The following ESRRG variants were observed in gnomAD, a reference collection of about 807,000 sequenced individuals.
ESRRG encodes estrogen related receptor gamma.
Under a neutral mutation model 44.0 loss-of-function variants are expected in ESRRG, and 13 were observed. The observed-to-expected ratio is 0.30, with a 90% CI of 0.19 to 0.47. The LOEUF (loss-of-function observed/expected upper bound fraction) is 0.47. Among genes scored for constraint, ESRRG ranks in the 20% least tolerant of loss-of-function variants. The pLI, the probability that ESRRG is intolerant of heterozygous loss-of-function variation, is 1.00. For synonymous variants in ESRRG, 215 were observed against 214.6 expected (o/e 1.00, Z -0.02); for missense variants, 395 against 580.6 (o/e 0.68, Z 3.29).
chr1:216,744,225 T>C (rs2091112160), intron 2 of ESRRG, among the ~76,000 whole-genome samples: 1 of 152,162 alleles, frequency 6.6e-6, no homozygotes. Flanking sequence ...GGCAATAAAA[T>C]AAAGAGCATG....
chr1:216,903,828 T>C (rs1206133548), intron 2 of ESRRG, among the ~76,000 whole-genome samples: 2 of 152,098 alleles, frequency 1.3e-5, no homozygotes, highest in African/African-American at 4.8e-5. Context: ...TAGATCATTA[T>C]TTGGTTAAAA....
upstream of ESRRG, among the ~76,000 whole-genome samples, chr1:217,093,610 C>A (rs2489773): frequency 0.96 from 146,117 of 152,060 alleles, 70,486 homozygotes; most frequent in Middle Eastern, 1. Flanking sequence ...TAATGAGACC[C>A]CTTCTCTGCA....
intron 5 of ESRRG, among the ~76,000 whole-genome samples, chr1:216,533,405 G>A (rs1325260800): frequency 2.6e-5 from 4 of 152,108 alleles, no homozygotes; most frequent in Non-Finnish European, 1.5e-5. Context: ...CTCAAGATAT[G>A]AGAGAGTGTA....
intron 1 of ESRRG, among the ~76,000 whole-genome samples, chr1:217,108,010 TA>T (rs34011683): frequency 0.16 from 24,403 of 149,318 alleles, 2,196 homozygotes; most frequent in Middle Eastern, 0.25. Flanking sequence ...CTGCTATGTT[TA>T]AAAAAAAAAC....
chr1:216,677,552 A>C (rs2076321021), intron 1 of ESRRG, 61 bp from the exon 2 acceptor site: 1 of 1,393,550 alleles, frequency 7.2e-7, no homozygotes, highest in African/African-American at 1.4e-5. Context: ...CACAGAGACC[A>C]AAAGAGGTAG....
At chr1:216,688,384 C>T (rs550906908) in intron 1 of ESRRG, among the ~76,000 whole-genome samples, 31 of 152,272 alleles carry the variant, frequency 2.0e-4, no homozygotes, top group African/African-American at 7.5e-4. Context: ...CGCTTCCATT[C>T]GCAAAGAACC....
intron 3 of ESRRG, among the ~76,000 whole-genome samples, chr1:216,634,680 C>A (rs966594504): frequency 6.6e-6 from 1 of 152,098 alleles, no homozygotes; most frequent in Non-Finnish European, 1.5e-5. Flanking sequence ...GCAGACTGCC[C>A]AGGGGGGACA....
intron 1 of ESRRG, among the ~76,000 whole-genome samples, chr1:216,684,392 T>C (rs2077558291): frequency 6.6e-6 from 1 of 152,214 alleles, no homozygotes; most frequent in Non-Finnish European, 1.5e-5. Context: ...GTGCAACTTA[T>C]CCTTAGCTTG....
chr1:217,027,699 C>G (rs766457331), intron 1 of ESRRG, among the ~76,000 whole-genome samples: 2 of 152,118 alleles, frequency 1.3e-5, no homozygotes. Flanking sequence ...AAAGAAACTA[C>G]CCACAGATCA....
intron 2 of ESRRG, among the ~76,000 whole-genome samples, chr1:216,817,651 T>C (rs914083831): frequency 1.3e-5 from 2 of 152,190 alleles, no homozygotes; most frequent in African/African-American, 4.8e-5. Context: ...CATTTTTTAT[T>C]TACCTTTAAT....
chr1:216,595,222 A>T (rs953797973), intron 3 of ESRRG, among the ~76,000 whole-genome samples: 1 of 152,104 alleles, frequency 6.6e-6, no homozygotes, highest in African/African-American at 2.4e-5. Flanking sequence ...TCATTTTTTC[A>T]AAGTTGATAT....
intron 1 of ESRRG, among the ~76,000 whole-genome samples, chr1:217,056,502 A>G (rs1215710801): frequency 6.6e-6 from 1 of 151,966 alleles, no homozygotes; most frequent in African/African-American, 2.4e-5. Context: ...TGTCTAGAAC[A>G]TGGTGCCATT....
intron 1 of ESRRG, among the ~76,000 whole-genome samples, chr1:216,949,720 GA>G (rs2066642019): frequency 1.3e-5 from 2 of 152,006 alleles, no homozygotes. Flanking sequence ...AAATGAGCAA[GA>G]AATTATAAAC....
chr1:217,100,210 T>A (rs901288784), intron 1 of ESRRG, among the ~76,000 whole-genome samples: 2 of 152,186 alleles, frequency 1.3e-5, no homozygotes. Context: ...AGAAAACCAG[T>A]ATCATTTCTC....
chr1:217,051,208 G>GGGC lies in ESRRG; in HGVS notation c.-106+38298_-106+38299insGCC, dbSNP rs1553259269. Among the ~76,000 whole-genome samples the GGGC allele has an allele frequency of 5.5e-5, 7 of 127,372 alleles. 1 individual carries two copies. The highest frequency in any genetic ancestry group is 1.7e-4 in the African/African-American group (6 of 35,860). The allele number at this position is 127,372 out of a possible 152,430, so 83.6% of individuals were successfully genotyped here. A position where few individuals can be genotyped will look rare whatever the true frequency, so the allele number is the denominator to read the frequency against. ...AGAAGGAGTGGATAATGGGGGCGGG[G>GGGC]GGGGGGGGTGCCAGGGGAATTGTAA... On this transcript the variant is annotated intron_variant, in intron 1 of 7. Transcript: ENST00000359162.
In ESRRG at chr1:217,068,194, G is replaced by A. The variant is rs116234090; in HGVS notation, c.-106+21313C>T. On this transcript the variant is annotated intron_variant, in intron 1 of 7. Transcript: ENST00000359162. ...GACAGGAAAGCCTGAGGACCCAGGAGGAAAAATAAGTGATATGCATCCTAT... is the reference window on the plus strand; with the variant it reads ...GACAGGAAAGCCTGAGGACCCAGGAAGAAAAATAAGTGATATGCATCCTAT... Among the ~76,000 whole-genome samples, 569 of 152,218 alleles carry A rather than the reference G, an allele frequency of 3.7e-3. 5 individuals carry two copies. Among genetic ancestry groups the A allele is most frequent in the African/African-American group, 0.013 (542 of 41,548 alleles).
In ESRRG at chr1:216,587,040, G is replaced by A. The variant is rs1573597439; in HGVS notation, c.590-18942C>T. On this transcript the variant is annotated intron_variant, in intron 3 of 6. Transcript: ENST00000408911. ...ATTACTGATACTTCAATACAAATTA[G>A]ACATTATAAATCCTATATATATCTG... Among the ~76,000 whole-genome samples the A allele has an allele frequency of 2.0e-5, 3 of 152,184 alleles. No homozygotes were observed. The East Asian group carries it at 5.8e-4, about 29-fold the overall frequency.
chr1:216,619,566 G>A (rs6699811), intron 3 of ESRRG, among the ~76,000 whole-genome samples: 1,661 of 152,140 alleles, frequency 0.011, 31 homozygotes, highest in East Asian at 0.06. Flanking sequence ...TCTTCGAAAC[G>A]GTATCTAATA....
At chr1:217,062,122 C>CAACTT (rs2088640026) in intron 1 of ESRRG, among the ~76,000 whole-genome samples, 1 of 152,110 alleles carries the variant, frequency 6.6e-6, no homozygotes, top group African/African-American at 2.4e-5. Context: ...ATCTCAAGCC[C>CAACTT]AAGTTAAGTG....
Sources: allele counts gnomAD v4.1 joint callset (sites outside exome capture counted in the v4.1 genomes callset), GRCh38; gene constraint gnomAD v4.1.1; transcripts MANE v1.5; gene names NCBI Gene and HGNC (gene_info 2026-07-23, HGNC 2026-07-21).